Variants in RAB1A observed in about 807,000 individuals in gnomAD.
RAB1A encodes the protein RAB1A, member RAS oncogene family, also known as ras-related protein Rab-1A.
A neutral mutation model predicts 26.0 loss-of-function variants in RAB1A; 2 were observed. That is an observed-to-expected ratio of 0.08 (90% CI 0.03 to 0.24). The LOEUF (loss-of-function observed/expected upper bound fraction) is 0.24, where lower values mean the gene tolerates loss of function less well. Ranked by LOEUF, RAB1A falls within the 10% of genes least tolerant of loss-of-function variation. The pLI is 1.00. For missense variants in RAB1A, 100 were observed against 247.0 expected (o/e 0.40, Z 3.99); for synonymous variants, 84 against 84.9 (o/e 0.99, Z 0.06).
chr2:65,128,931 C>T (rs1320777660), intron 1 of RAB1A, among the ~76,000 whole-genome samples: 1 of 152,170 alleles, frequency 6.6e-6, no homozygotes, highest in Non-Finnish European at 1.5e-5. Context: ...AGGTGTGTCA[C>T]ATCTGCTGTG....
intron 1 of RAB1A, among the ~76,000 whole-genome samples, chr2:65,121,767 TC>T (rs917628447): frequency 6.6e-6 from 1 of 151,896 alleles, no homozygotes; most frequent in Non-Finnish European, 1.5e-5. Context: ...GTCTAATTGC[TC>T]CCCTCTCCCT....
At position 65,089,702 on chromosome 2, in the gene RAB1A, A is replaced by ATTTTTTTTTTTTTTTT. The variant is rs58993413; in HGVS notation, c.289-648_289-633dup. On this transcript the variant is annotated intron_variant, in intron 4 of 5. Coordinates refer to ENST00000409784, the MANE Select transcript of RAB1A (RefSeq NM_004161.5). ...AAAACCTGGTTTTGAAATTTGATTA[A>ATTTTTTTTTTTTTTTT]TTTTTTTTTTTTTTTTTTGAGACAA... Among the ~76,000 whole-genome samples the ATTTTTTTTTTTTTTTT allele has an allele frequency of 6.3e-5, 9 of 141,988 alleles. No individual in the cohort carries two copies. The East Asian group carries it at 6.6e-4, about 10-fold the overall frequency. The allele number at this position is 141,988 out of a possible 152,430, so 93.1% of individuals were successfully genotyped here.
intron 2 of RAB1A, among the ~76,000 whole-genome samples, chr2:65,103,491 T>G (rs994637238): frequency 6.6e-6 from 1 of 151,018 alleles, no homozygotes; most frequent in African/African-American, 2.4e-5. Flanking sequence ...GCCATCACCA[T>G]GAGTACAATT....
chr2:65,113,344 T>C (rs1378489840), intron 1 of RAB1A, among the ~76,000 whole-genome samples: 1 of 152,078 alleles, frequency 6.6e-6, no homozygotes, highest in African/African-American at 2.4e-5. Context: ...TACCATTTTC[T>C]ATGCCTTTAA....
intron 1 of RAB1A, among the ~76,000 whole-genome samples, chr2:65,109,904 G>A (rs947283699): frequency 1.4e-4 from 22 of 151,930 alleles, no homozygotes; most frequent in Admixed American, 1.3e-4. Context: ...CCACCCTTAC[G>A]TTTGACATAG....
At chr2:65,106,582 T>C (rs1039513574) in intron 1 of RAB1A, among the ~76,000 whole-genome samples, 1 of 148,040 alleles carries the variant, frequency 6.8e-6, no homozygotes, top group African/African-American at 2.5e-5. Flanking sequence ...TTTAATTATA[T>C]ATGAGGAAAA....
At position 65,114,066 on chromosome 2, in the gene RAB1A, G is replaced by T. The variant is rs560705799; in HGVS notation, c.24-9260C>A. Reference sequence around the variant, plus strand: ...AACACAAATTACTTCTAAGTAGGTAGAGTAGGTCAGGTTGTAAACAGACAG... The same window carrying T: ...AACACAAATTACTTCTAAGTAGGTATAGTAGGTCAGGTTGTAAACAGACAG... On this transcript the variant is annotated intron_variant, in intron 1 of 5. Transcript: ENST00000409784. The T allele has an allele frequency of 5.0e-4, 190 of 378,886 alleles. 1 individual carries two copies. The highest frequency in any genetic ancestry group is 3.5e-3 in the Middle Eastern group (9 of 2,596). The allele number at this position is 378,886 out of a possible 1,614,324, so 23.5% of individuals were successfully genotyped here.
intron 1 of RAB1A, among the ~76,000 whole-genome samples, chr2:65,124,260 C>T (rs745912364): frequency 1.3e-4 from 20 of 151,998 alleles, no homozygotes; most frequent in Non-Finnish European, 2.4e-4. Context: ...CTATTACAGG[C>T]GTGAGACACC....
At chr2:65,114,715 G>A (rs546243376) in intron 1 of RAB1A, among the ~76,000 whole-genome samples, 49 of 152,126 alleles carry the variant, frequency 3.2e-4, no homozygotes, top group African/African-American at 1.2e-3. Context: ...CGCGGTGGCG[G>A]GCGCCTGTAG....
chr2:65,106,399 T>A (rs544604953), intron 1 of RAB1A: 2 of 324,500 alleles, frequency 6.2e-6, no homozygotes, highest in South Asian at 4.7e-5. Flanking sequence ...ATAAAACTTA[T>A]TTTTTTTGTT....
chr2:65,111,348 C>T (rs1346608485), intron 1 of RAB1A, among the ~76,000 whole-genome samples: 4 of 147,438 alleles, frequency 2.7e-5, no homozygotes, highest in Admixed American at 1.4e-4. Flanking sequence ...GGCGACAGAA[C>T]GAGACACCAT....
At chr2:65,113,417 G>A (rs1669748337) in intron 1 of RAB1A, among the ~76,000 whole-genome samples, 1 of 152,068 alleles carries the variant, frequency 6.6e-6, no homozygotes, top group Admixed American at 6.6e-5. Flanking sequence ...GAGGCAGGAG[G>A]GTAACTTGAG....
At chr2:65,119,051 T>C (rs1363698120) in intron 1 of RAB1A, among the ~76,000 whole-genome samples, 2 of 149,904 alleles carry the variant, frequency 1.3e-5, no homozygotes, top group Non-Finnish European at 3.0e-5. Flanking sequence ...AGAAAAAAAA[T>C]ACAAAAACTG....
At chr2:65,115,934 T>C (rs1223146864) in intron 1 of RAB1A, among the ~76,000 whole-genome samples, 1 of 152,106 alleles carries the variant, frequency 6.6e-6, no homozygotes, top group East Asian at 1.9e-4. Context: ...GGTGGGTGGA[T>C]CACTTGAGGC....
intron 5 of RAB1A, 123 bp downstream of exon 5, chr2:65,088,816 T>C (rs916071085): frequency 1.5e-5 from 20 of 1,321,008 alleles, no homozygotes; most frequent in Admixed American, 4.8e-5. Flanking sequence ...GCTACACAAA[T>C]TGTCACTGTC....
intron 3 of RAB1A, among the ~76,000 whole-genome samples, chr2:65,096,338 A>G (rs1343529946): frequency 6.6e-6 from 1 of 152,166 alleles, no homozygotes; most frequent in African/African-American, 2.4e-5. Context: ...ACAAACAAAC[A>G]AAATGTTCAA....
chr2:65,105,342 TA>T, intron 1 of RAB1A: 1 of 179,758 alleles, frequency 5.6e-6, no homozygotes, highest in Non-Finnish European at 1.2e-5. Flanking sequence ...CCGTCTCCAT[TA>T]AAAATACAAA....
chr2:65,112,990 T>C (rs555283925), intron 1 of RAB1A, among the ~76,000 whole-genome samples: 6 of 152,156 alleles, frequency 3.9e-5, no homozygotes, highest in African/African-American at 1.2e-4. Flanking sequence ...TGGAGGATCA[T>C]TTGAGCCCAA....
intron 1 of RAB1A, among the ~76,000 whole-genome samples, chr2:65,111,361 CAA>C (rs35527449): frequency 2.4e-4 from 27 of 112,138 alleles, no homozygotes; most frequent in Admixed American, 3.7e-4. Context: ...GACACCATCT[CAA>C]AAAAAAAAAA....
Sources: gnomAD v4.1 joint callset for allele counts (sites outside exome capture counted in the v4.1 genomes callset) on GRCh38, gnomAD v4.1.1 for gene constraint, MANE v1.5 for transcripts, NCBI Gene and HGNC (gene_info 2026-07-23, HGNC 2026-07-21) for gene names.